The following LUZP2 variants were observed in gnomAD, a reference collection of about 807,000 sequenced individuals.
The protein encoded by LUZP2 is leucine zipper protein 2.
LUZP2 carries 52 observed loss-of-function variants against 51.6 expected under a neutral mutation model. The ratio of observed to expected loss-of-function variants is 1.01; its 90% CI spans 0.81 to 1.27. LUZP2 has a LOEUF of 1.27. LUZP2 is among the 50% of genes most tolerant of loss of function. The pLI is 0.00. For synonymous variants in LUZP2, 154 were observed against 137.3 expected (o/e 1.12, Z -0.85); for missense variants, 436 against 395.4 (o/e 1.10, Z -0.87).
At chr11:24,731,761 G>C (rs1858721350) in intron 2 of LUZP2, among the ~76,000 whole-genome samples, 1 of 151,762 alleles carries the variant, frequency 6.6e-6, no homozygotes, top group South Asian at 2.1e-4. Flanking sequence ...CCTAATATTT[G>C]TAGAAGCTGT....
chr11:24,940,326 T>C (rs959986518), intron 7 of LUZP2, among the ~76,000 whole-genome samples: 8 of 151,984 alleles, frequency 5.3e-5, no homozygotes, highest in African/African-American at 1.9e-4. Context: ...GGAAAAAAAA[T>C]AGGAGCACTT....
intron 1 of LUZP2, among the ~76,000 whole-genome samples, chr11:24,575,750 C>T (rs1852623656): frequency 6.6e-6 from 1 of 152,114 alleles, no homozygotes. Context: ...GATCAGGTTT[C>T]TTTTAACCAT....
intron 1 of LUZP2, among the ~76,000 whole-genome samples, chr11:24,599,076 T>C (rs1266841199): frequency 1.3e-5 from 2 of 152,172 alleles, no homozygotes; most frequent in Non-Finnish European, 2.9e-5. Context: ...AATTGGATTA[T>C]GTACTGTGTG....
chr11:24,543,992 G>C (rs1213269412), intron 1 of LUZP2, among the ~76,000 whole-genome samples: 2 of 152,084 alleles, frequency 1.3e-5, no homozygotes, highest in Non-Finnish European at 2.9e-5. Context: ...TTGCCACTCA[G>C]AGCCTGAAAA....
chr11:24,721,951 A>G (rs1007192734), intron 1 of LUZP2, among the ~76,000 whole-genome samples: 6 of 152,198 alleles, frequency 3.9e-5, no homozygotes, highest in East Asian at 1.9e-4. Flanking sequence ...AAATATTTCA[A>G]TTTGATGGAT....
intron 6 of LUZP2, among the ~76,000 whole-genome samples, chr11:24,913,080 T>A (rs1853688662): frequency 6.6e-6 from 1 of 152,220 alleles, no homozygotes; most frequent in South Asian, 2.1e-4. Context: ...GAGATTTATC[T>A]AGTTTAAGTG....
chr11:24,993,428 A>G (rs1856408748), intron 9 of LUZP2, among the ~76,000 whole-genome samples: 1 of 152,154 alleles, frequency 6.6e-6, no homozygotes, highest in South Asian at 2.1e-4. Flanking sequence ...CTCTTGGGAA[A>G]TATATTAAGG....
chr11:24,667,286 C>G (rs537290598), intron 1 of LUZP2, among the ~76,000 whole-genome samples: 11 of 148,644 alleles, frequency 7.4e-5, no homozygotes, highest in African/African-American at 2.8e-4. Flanking sequence ...CGGATTGAAG[C>G]GATTCTCCTG....
chr11:24,660,892 CA>C (rs778194336), intron 1 of LUZP2, among the ~76,000 whole-genome samples: 147 of 152,046 alleles, frequency 9.7e-4, no homozygotes, highest in Non-Finnish European at 1.6e-3. Flanking sequence ...ACTTAAATTG[CA>C]AATTCATATG....
intron 4 of LUZP2, among the ~76,000 whole-genome samples, chr11:24,760,358 G>A (rs933292957): frequency 2.0e-5 from 3 of 152,050 alleles, no homozygotes; most frequent in African/African-American, 4.8e-5. Flanking sequence ...CTGAGTGGAG[G>A]AGTCCATTCA....
chr11:25,074,302 T>G (rs566831802), intron 10 of LUZP2, among the ~76,000 whole-genome samples: 122 of 152,268 alleles, frequency 8.0e-4, no homozygotes, highest in Admixed American at 2.7e-3. Flanking sequence ...TGTGGCCTTA[T>G]CTCTGGTGCC....
At chr11:24,703,156 A>G (rs1857466416) in intron 1 of LUZP2, among the ~76,000 whole-genome samples, 1 of 152,190 alleles carries the variant, frequency 6.6e-6, no homozygotes, top group Admixed American at 6.5e-5. Flanking sequence ...TTAAGCCATT[A>G]TCTTACTGTT....
intron 6 of LUZP2, among the ~76,000 whole-genome samples, chr11:24,907,807 T>C (rs989423345): frequency 6.6e-6 from 1 of 152,214 alleles, no homozygotes; most frequent in Non-Finnish European, 1.5e-5. Flanking sequence ...GAATAATTCG[T>C]ATTTTTTCTT....
chr11:24,960,478 G>C (rs547398524), intron 7 of LUZP2, among the ~76,000 whole-genome samples: 2 of 111,266 alleles, frequency 1.8e-5, no homozygotes, highest in East Asian at 4.1e-4. Flanking sequence ...TTTAGTCTTG[G>C]GAGAGTGTGT....
At chr11:24,916,504 G>C (rs542524185) in intron 7 of LUZP2, among the ~76,000 whole-genome samples, 1 of 151,850 alleles carries the variant, frequency 6.6e-6, no homozygotes, top group East Asian at 2.0e-4. Context: ...CCCACAACAG[G>C]CTGTGGTGTG....
chr11:24,613,732 A>T lies in LUZP2; in HGVS notation c.63-115437A>T, dbSNP rs1291319459. ...TTTTGAGAGATAACATGAAGTTATT[A>T]TTTTTTAAAAAGGAAGGAATGAAAG... is the stretch of plus-strand genomic sequence containing the variant. On this transcript the variant is annotated intron_variant, in intron 1 of 11. Coordinates refer to ENST00000336930, the MANE Select transcript of LUZP2 (RefSeq NM_001009909.4). 2.6e-5 allele frequency among the ~76,000 whole-genome samples: 4 copies of T among 152,008 alleles called. No homozygotes were observed. The South Asian group carries it at 8.3e-4, about 31-fold the overall frequency.
intron 5 of LUZP2, among the ~76,000 whole-genome samples, chr11:24,781,587 T>TGAGAGAA (rs10525419): frequency 6.6e-6 from 1 of 151,390 alleles, no homozygotes; most frequent in African/African-American, 2.4e-5. Flanking sequence ...TAGCCACAGG[T>TGAGAGAA]ACTTTCATTT....
At chr11:25,008,342 G>GTGT (rs1856891942) in intron 9 of LUZP2, among the ~76,000 whole-genome samples, 1 of 152,240 alleles carries the variant, frequency 6.6e-6, no homozygotes, top group South Asian at 2.1e-4. Context: ...GGCCAAAGGT[G>GTGT]TGTTACTGCT....
At chr11:25,021,242 A>G (rs894230479) in intron 9 of LUZP2, among the ~76,000 whole-genome samples, 2 of 147,456 alleles carry the variant, frequency 1.4e-5, no homozygotes, top group Admixed American at 6.7e-5. Flanking sequence ...ATTCTCTCAG[A>G]GACTTATTAA....
Sources: gnomAD v4.1 joint callset for allele counts (sites outside exome capture counted in the v4.1 genomes callset) on GRCh38, gnomAD v4.1.1 for gene constraint, MANE v1.5 for transcripts, NCBI Gene and HGNC (gene_info 2026-07-23, HGNC 2026-07-21) for gene names.